Variants in CCSER1 observed in about 807,000 individuals in gnomAD.
The protein encoded by CCSER1 is serine-rich coiled-coil domain-containing protein 1.
In CCSER1, 41 loss-of-function variants were observed where a neutral mutation model predicts 82.0. The observed-to-expected ratio is 0.50, with a 90% CI of 0.39 to 0.65. CCSER1 has a LOEUF of 0.65. Among genes scored for constraint, CCSER1 ranks in the 30% least tolerant of loss-of-function variants. CCSER1 has a pLI of 0.00. For synonymous variants in CCSER1, 414 were observed against 383.9 expected, an observed-to-expected ratio of 1.08 and a Z score of -0.92; for missense variants, 1,119 against 1,064.2, an observed-to-expected ratio of 1.05 and a Z score of -0.72.
intron 1 of CCSER1, among the ~76,000 whole-genome samples, chr4:90,257,364 AG>A: frequency 6.6e-6 from 1 of 152,272 alleles, no homozygotes; most frequent in Non-Finnish European, 1.5e-5. Context: ...TGACACATAA[AG>A]GGCACTTGAT....
chr4:90,896,194 C>T (rs1019560701), intron 8 of CCSER1, among the ~76,000 whole-genome samples: 8 of 151,928 alleles, frequency 5.3e-5, no homozygotes, highest in Admixed American at 2.0e-4. Flanking sequence ...GTGCCTTTCA[C>T]TGGTACAAGG....
At chr4:90,468,096 T>A (rs1763875810) in intron 4 of CCSER1, 138 bp from the exon 5 acceptor site, 16 of 814,588 alleles carry the variant, frequency 2.0e-5, no homozygotes, top group Admixed American at 7.2e-5. Flanking sequence ...GCAGAAAATA[T>A]TTAAGGATAA....
intron 5 of CCSER1, among the ~76,000 whole-genome samples, chr4:90,490,479 T>A (rs141234815): frequency 0.015 from 2,312 of 152,278 alleles, 38 homozygotes; most frequent in African/African-American, 0.045. Flanking sequence ...GGTTGCCTGT[T>A]CATTCTGATG....
intron 6 of CCSER1, among the ~76,000 whole-genome samples, chr4:90,647,554 G>C (rs1446678105): frequency 6.6e-6 from 1 of 152,102 alleles, no homozygotes; most frequent in Non-Finnish European, 1.5e-5. Context: ...CTATGTATTT[G>C]TAAGGTAAGT....
At chr4:90,923,663 T>C (rs1728697827) in intron 9 of CCSER1, 1 of 425,466 alleles carries the variant, frequency 2.4e-6, no homozygotes, top group Non-Finnish European at 4.2e-6. Context: ...ATTAATTTTT[T>C]TACATCAACA....
At chr4:90,342,309 G>A (rs77133862) in intron 3 of CCSER1, among the ~76,000 whole-genome samples, 305 of 152,156 alleles carry the variant, frequency 2.0e-3, no homozygotes, top group African/African-American at 7.0e-3. Context: ...GCATATATGA[G>A]GCCTTTACAC....
At chr4:90,755,778 C>T (rs977044521) in intron 7 of CCSER1, among the ~76,000 whole-genome samples, 1 of 152,162 alleles carries the variant, frequency 6.6e-6, no homozygotes, top group Non-Finnish European at 1.5e-5. Context: ...AATGAAAGGA[C>T]ATTAGTTACC....
At chr4:90,703,724 G>A (rs1201942034) in intron 6 of CCSER1, among the ~76,000 whole-genome samples, 1 of 152,170 alleles carries the variant, frequency 6.6e-6, no homozygotes, top group Non-Finnish European at 1.5e-5. Context: ...TTACCATTGT[G>A]TAATGTCCTT....
At chr4:91,534,707 G>A (rs1276207604) in intron 10 of CCSER1, among the ~76,000 whole-genome samples, 1 of 151,816 alleles carries the variant, frequency 6.6e-6, no homozygotes, top group Non-Finnish European at 1.5e-5. Context: ...CAATTTTTAT[G>A]TGTGATTGAC....
At chr4:91,475,241 G>A (rs1047141810) in intron 10 of CCSER1, among the ~76,000 whole-genome samples, 1 of 151,662 alleles carries the variant, frequency 6.6e-6, no homozygotes. Flanking sequence ...ATATGGCTAG[G>A]CCTTCTCCTT....
chr4:90,850,519 C>G (rs1763748689), intron 8 of CCSER1, among the ~76,000 whole-genome samples: 2 of 152,194 alleles, frequency 1.3e-5, no homozygotes, highest in Admixed American at 6.5e-5. Flanking sequence ...ACCAGCGTGC[C>G]CTGAATGTGA....
At chr4:91,325,733 T>C (rs116072522) in intron 10 of CCSER1, among the ~76,000 whole-genome samples, 2,821 of 152,336 alleles carry the variant, frequency 0.019, 45 homozygotes, top group Middle Eastern at 0.041. Flanking sequence ...TCACTTATCT[T>C]CACTTTTATA....
chr4:91,283,526 T>C (rs1258649349), intron 10 of CCSER1, among the ~76,000 whole-genome samples: 2 of 152,146 alleles, frequency 1.3e-5, no homozygotes, highest in Non-Finnish European at 2.9e-5. Context: ...TGTGTTCTAC[T>C]TTTCACAAAA....
intron 6 of CCSER1, among the ~76,000 whole-genome samples, chr4:90,709,408 G>A (rs933715998): frequency 6.6e-6 from 1 of 151,946 alleles, no homozygotes; most frequent in Non-Finnish European, 1.5e-5. Flanking sequence ...GGATCCATTA[G>A]CTATTCTTCC....
At chr4:91,208,352 T>C (rs13116937) in intron 10 of CCSER1, among the ~76,000 whole-genome samples, 66,615 of 151,782 alleles carry the variant, frequency 0.44, 15,319 homozygotes, top group East Asian at 0.86. Flanking sequence ...AGGGTTTTTA[T>C]ACTTCTAGGT....
intron 6 of CCSER1, among the ~76,000 whole-genome samples, chr4:90,722,187 T>C (rs1272378809): frequency 6.6e-6 from 1 of 151,870 alleles, no homozygotes; most frequent in East Asian, 1.9e-4. Flanking sequence ...TTTTTACAAA[T>C]GAATGTCATC....
At chr4:91,279,065 T>A (rs556283970) in intron 10 of CCSER1, among the ~76,000 whole-genome samples, 1 of 152,222 alleles carries the variant, frequency 6.6e-6, no homozygotes, top group Admixed American at 6.5e-5. Context: ...TTTATTTTTT[T>A]TTTTTTCTTT....
intron 10 of CCSER1, among the ~76,000 whole-genome samples, chr4:91,179,522 A>T (rs944301448): frequency 6.6e-6 from 1 of 151,880 alleles, no homozygotes; most frequent in Non-Finnish European, 1.5e-5. Flanking sequence ...TTTTTCTCTA[A>T]ACTTCTCCTC....
chr4:90,347,446 A>T (rs1176965257), intron 3 of CCSER1, among the ~76,000 whole-genome samples: 1 of 152,170 alleles, frequency 6.6e-6, no homozygotes, highest in Non-Finnish European at 1.5e-5. Flanking sequence ...CACTTTTGGC[A>T]GGTGGAGCTA....
Sources: gnomAD v4.1 joint callset for allele counts (sites outside exome capture counted in the v4.1 genomes callset) on GRCh38, gnomAD v4.1.1 for gene constraint, MANE v1.5 for transcripts, NCBI Gene and HGNC (gene_info 2026-07-23, HGNC 2026-07-21) for gene names.